The following OTUD7B variants were observed in gnomAD, a reference collection of about 807,000 sequenced individuals.
OTUD7B encodes the protein OTU deubiquitinase 7B.
Under a neutral mutation model 82.2 loss-of-function variants are expected in OTUD7B, and 34 were observed. That is an observed-to-expected ratio of 0.41 (90% CI 0.31 to 0.55). The LOEUF is 0.55. Ranked by LOEUF, OTUD7B falls within the 20% of genes least tolerant of loss-of-function variation. The pLI is 0.20. For synonymous variants in OTUD7B, 398 were observed against 402.7 expected (o/e 0.99, Z 0.14); for missense variants, 944 against 1,062.1 (o/e 0.89, Z 1.55).
the OTUD7B span, among the ~76,000 whole-genome samples, chr1:150,034,949 C>G: frequency 6.6e-6 from 1 of 151,828 alleles, no homozygotes; most frequent in African/African-American, 2.4e-5. Context: ...TTGAGACCAC[C>G]CTGGCTAACA....
the OTUD7B span, among the ~76,000 whole-genome samples, chr1:150,038,134 C>T: frequency 6.6e-6 from 1 of 152,236 alleles, no homozygotes; most frequent in East Asian, 1.9e-4. Context: ...GCTAGGATTA[C>T]AGGCGTGAAC....
At chr1:150,051,005 G>A in the OTUD7B span, among the ~76,000 whole-genome samples, 17 of 151,678 alleles carry the variant, frequency 1.1e-4, no homozygotes, top group African/African-American at 4.1e-4. Context: ...AAGGCAGGTG[G>A]ATCACCTGAA....
Position 149,939,643 on chromosome 1 carries a change from A to C in OTUD7B, c.*4214T>G, listed in dbSNP as rs1288152191. On this transcript the variant is annotated 3_prime_UTR_variant, in exon 12 of 12. Coordinates refer to ENST00000581312, the MANE Select transcript of OTUD7B (RefSeq NM_020205.4). ...CACTGACTCATTGGAGAAGGAAGACACAGAGGCCAGTCGCGGTGGCTCATG... is the reference window on the plus strand; with the variant it reads ...CACTGACTCATTGGAGAAGGAAGACCCAGAGGCCAGTCGCGGTGGCTCATG... 1 of 152,308 alleles carries C rather than the reference A, an allele frequency of 6.6e-6. No individual in the cohort carries two copies. Among genetic ancestry groups the C allele is most frequent in the East Asian group, 1.9e-4 (1 of 5,194 alleles). 9.4% of individuals were successfully genotyped at this position (152,308 alleles called of 1,614,324 possible).
intron 1 of OTUD7B, among the ~76,000 whole-genome samples, chr1:149,988,375 T>C (rs1385367160): frequency 2.0e-5 from 3 of 152,198 alleles, no homozygotes; most frequent in Non-Finnish European, 4.4e-5. Context: ...TTTTCAAGAA[T>C]TTCTAGTTTT....
At chr1:149,945,234 G>A (rs1345938431) in intron 11 of OTUD7B, among the ~76,000 whole-genome samples, 169 bp from the exon 12 acceptor site, 10 of 152,158 alleles carry the variant, frequency 6.6e-5, no homozygotes, top group Non-Finnish European at 1.5e-4. Context: ...TCCTCTGAGT[G>A]ATTGCCTAGT....
At chr1:149,964,520 T>C (rs1395430670) in intron 5 of OTUD7B, among the ~76,000 whole-genome samples, 171 bp from the exon 6 acceptor site, 1 of 150,870 alleles carries the variant, frequency 6.6e-6, no homozygotes, top group African/African-American at 2.4e-5. Flanking sequence ...GTGTGAGCCA[T>C]GGCACCAGGC....
chr1:149,992,475 T>TTTTTG (rs1651647411), intron 1 of OTUD7B, among the ~76,000 whole-genome samples: 1 of 1,562 alleles, frequency 6.4e-4, no homozygotes, highest in Non-Finnish European at 0.022. Context: ...GTGTTTTTTT[T>TTTTTG]TTTTTTTTTT....
chr1:149,987,476 T>C (rs1651231238), intron 1 of OTUD7B, among the ~76,000 whole-genome samples: 2 of 152,190 alleles, frequency 1.3e-5, no homozygotes, highest in Admixed American at 6.5e-5. Flanking sequence ...ATGTATAAAA[T>C]GGGGGAAATG....
chr1:149,981,075 G>A (rs1559852748), intron 1 of OTUD7B, among the ~76,000 whole-genome samples: 2 of 149,780 alleles, frequency 1.3e-5, no homozygotes, highest in East Asian at 3.9e-4. Flanking sequence ...CTCTGTCTCA[G>A]GGAGGAGGAG....
the OTUD7B span, among the ~76,000 whole-genome samples, chr1:150,019,584 C>A: frequency 6.6e-6 from 1 of 152,122 alleles, no homozygotes; most frequent in Non-Finnish European, 1.5e-5. Flanking sequence ...CCAGGTTGGC[C>A]TCGAACTCCT....
the OTUD7B span, among the ~76,000 whole-genome samples, chr1:150,023,769 A>G: frequency 6.6e-6 from 1 of 152,214 alleles, no homozygotes; most frequent in East Asian, 1.9e-4. Context: ...AAAATCGCTA[A>G]AAGAGTAGAT....
chr1:149,951,556 G>C (rs2101752183), intron 7 of OTUD7B, among the ~76,000 whole-genome samples: 1 of 152,160 alleles, frequency 6.6e-6, no homozygotes, highest in Non-Finnish European at 1.5e-5. Flanking sequence ...AATACGGAGG[G>C]ACAAATTTGC....
chr1:149,974,017 C>T (rs782494826), intron 2 of OTUD7B, among the ~76,000 whole-genome samples: 2 of 151,958 alleles, frequency 1.3e-5, no homozygotes, highest in Admixed American at 1.3e-4. Flanking sequence ...TCACCACGCC[C>T]GGCCAAGTTT....
At chr1:150,013,947 T>TATACACACAC (rs782181773), upstream of OTUD7B, among the ~76,000 whole-genome samples, 2 of 104,396 alleles carry the variant, frequency 1.9e-5, no homozygotes, top group East Asian at 2.9e-4. Flanking sequence ...AATATATATA[T>TATACACACAC]ACACACACAC....
At chr1:150,059,431 G>A in the OTUD7B span, among the ~76,000 whole-genome samples, 3 of 149,754 alleles carry the variant, frequency 2.0e-5, no homozygotes, top group Admixed American at 6.7e-5. Flanking sequence ...GTGCAATGGC[G>A]CAATCTCGGC....
At chr1:149,969,931 A>T (rs1649798372) in intron 3 of OTUD7B, among the ~76,000 whole-genome samples, 1 of 151,852 alleles carries the variant, frequency 6.6e-6, no homozygotes. Context: ...CGAACTCCTG[A>T]CCTCAGGTGA....
At position 149,939,990 on chromosome 1, in the gene OTUD7B, GT is replaced by G. The variant is rs2092750729; in HGVS notation, c.*3866del. On this transcript the variant is annotated 3_prime_UTR_variant, in exon 12 of 12. Coordinates refer to ENST00000581312, the MANE Select transcript of OTUD7B (RefSeq NM_020205.4). ...GAAAGAAGACTCAGAGTCCAGAGGTGTCTGAGTAATTCAGAGACAATCATCT... is the reference window on the plus strand; with the variant it reads ...GAAAGAAGACTCAGAGTCCAGAGGTGCTGAGTAATTCAGAGACAATCATCT... 6.6e-6 allele frequency: 1 copy of G among 152,020 alleles called. No individual in the cohort carries two copies. The highest frequency in any genetic ancestry group is 6.5e-5 in the Admixed American group (1 of 15,274). 9.4% of individuals were successfully genotyped at this position (152,020 alleles called of 1,614,324 possible).
chr1:149,979,490 G>A (rs1318833725), intron 1 of OTUD7B, among the ~76,000 whole-genome samples: 2 of 151,908 alleles, frequency 1.3e-5, no homozygotes, highest in Non-Finnish European at 2.9e-5. Context: ...TACTTTCAAG[G>A]TTTAAAAAAT....
chr1:149,949,513 G>T, intron 9 of OTUD7B, 116 bp downstream of exon 9: 1 of 1,060,522 alleles, frequency 9.4e-7, no homozygotes, highest in Non-Finnish European at 1.4e-6. Flanking sequence ...TAATAAAACA[G>T]TATCAACATG....
Sources: allele counts gnomAD v4.1 joint callset (sites outside exome capture counted in the v4.1 genomes callset), GRCh38; gene constraint gnomAD v4.1.1; transcripts MANE v1.5; gene names NCBI Gene and HGNC (gene_info 2026-07-23, HGNC 2026-07-21).